Variants in GABRA1 observed in about 807,000 individuals in gnomAD.
GABRA1 encodes the protein gamma-aminobutyric acid receptor subunit alpha-1.
GABRA1 carries 9 observed loss-of-function variants against 48.9 expected under a neutral mutation model. The ratio of observed to expected loss-of-function variants is 0.18; its 90% CI spans 0.11 to 0.32. The LOEUF (loss-of-function observed/expected upper bound fraction) is 0.32, where lower values mean the gene tolerates loss of function less well. Ranked by LOEUF, GABRA1 falls within the 10% of genes least tolerant of loss-of-function variation. GABRA1 has a pLI of 1.00. For missense variants in GABRA1, 285 were observed against 553.8 expected, an observed-to-expected ratio of 0.51 and a Z score of 4.87; for synonymous variants, 210 against 198.7, an observed-to-expected ratio of 1.06 and a Z score of -0.48.
At chr5:161,850,922 T>C in intron 2 of GABRA1, 38 bp downstream of exon 2, 1 of 1,537,476 alleles carries the variant, frequency 6.5e-7, no homozygotes, top group Non-Finnish European at 9.0e-7. Flanking sequence ...TGAAAATTTC[T>C]GTAACTTTTC....
At chr5:161,876,182 CAT>C (rs139492840) in intron 6 of GABRA1, among the ~76,000 whole-genome samples, 95 of 148,080 alleles carry the variant, frequency 6.4e-4, no homozygotes, top group African/African-American at 6.7e-4. Context: ...TCATGGCATT[CAT>C]ATATATATAT....
At chr5:161,882,339 A>T (rs1754652457) in intron 6 of GABRA1, 1 of 575,968 alleles carries the variant, frequency 1.7e-6, no homozygotes, top group Non-Finnish European at 3.1e-6. Flanking sequence ...TCCTTTGTAG[A>T]TCCTTATAAC....
intron 6 of GABRA1, among the ~76,000 whole-genome samples, chr5:161,878,018 T>C (rs1267092483): frequency 6.6e-6 from 1 of 152,206 alleles, no homozygotes; most frequent in Admixed American, 6.5e-5. Flanking sequence ...TGATGATTCA[T>C]TTTATTTATT....
At position 161,873,387 on chromosome 5, in the gene GABRA1, T is replaced by C. The variant is rs201306303; in HGVS notation, c.476+50T>C. 7 of 1,427,520 alleles carry C rather than the reference T, an allele frequency of 4.9e-6. No individual in the cohort carries two copies. In the East Asian group the frequency reaches 1.4e-4, roughly 28 times the overall value. The allele number at this position is 1,427,520 out of a possible 1,614,324, so 88.4% of individuals were successfully genotyped here. ...ATGAATGTTTCTGTACTTCATTCCC[T>C]TCCACTTGTAGGCAATCATCAGGCT... On this transcript the variant is annotated intron_variant, in intron 5 of 9. Coordinates refer to ENST00000393943, the MANE Select transcript of GABRA1 (RefSeq NM_001127644.2).
At position 161,875,671 on chromosome 5, in the gene GABRA1, A is replaced by T. The variant is rs765361211; in HGVS notation, c.559+29A>T. ...AGTAAATTTATATGGACTTTTCTTGATTGTAAGTCATTAAGCAAGAGATCT... is the reference window on the plus strand; with the variant it reads ...AGTAAATTTATATGGACTTTTCTTGTTTGTAAGTCATTAAGCAAGAGATCT... On this transcript the variant is annotated intron_variant, in intron 6 of 9. Coordinates refer to ENST00000393943, the MANE Select transcript of GABRA1 (RefSeq NM_001127644.2). The T allele has an allele frequency of 2.1e-6, 3 of 1,461,398 alleles. No individual in the cohort carries two copies. The African/African-American group carries it at 4.2e-5, about 20-fold the overall frequency. The allele number at this position is 1,461,398 out of a possible 1,614,324, so 90.5% of individuals were successfully genotyped here. A position where few individuals can be genotyped will look rare whatever the true frequency, so the allele number is the denominator to read the frequency against.
At chr5:161,851,007 A>G in intron 2 of GABRA1, 123 bp downstream of exon 2, 1 of 788,358 alleles carries the variant, frequency 1.3e-6, no homozygotes, top group South Asian at 1.4e-5. Context: ...CTTAACTGCA[A>G]TAATTTCCAG....
chr5:161,864,386 A>G (rs1372795511), intron 3 of GABRA1, among the ~76,000 whole-genome samples: 1 of 151,952 alleles, frequency 6.6e-6, no homozygotes. Context: ...AATATCTCTG[A>G]TTCAAAATTA....
At chr5:161,871,759 C>A (rs1754130397) in intron 4 of GABRA1, among the ~76,000 whole-genome samples, 2 of 152,160 alleles carry the variant, frequency 1.3e-5, no homozygotes, top group South Asian at 4.1e-4. Context: ...AACCAGGAAA[C>A]AAGGTAACTT....
chr5:161,866,549 C>T (rs1753861973), intron 4 of GABRA1, among the ~76,000 whole-genome samples: 2 of 152,058 alleles, frequency 1.3e-5, no homozygotes, highest in African/African-American at 4.8e-5. Context: ...TGAAATGCCT[C>T]ATGTTAGCAC....
intron 7 of GABRA1, among the ~76,000 whole-genome samples, 158 bp downstream of exon 7, chr5:161,882,859 G>A (rs1754676421): frequency 1.3e-5 from 2 of 152,178 alleles, no homozygotes; most frequent in Non-Finnish European, 2.9e-5. Flanking sequence ...CGGTAGACCT[G>A]TGACCTTGGA....
At chr5:161,864,282 C>G (rs1757970380) in intron 3 of GABRA1, among the ~76,000 whole-genome samples, 1 of 152,014 alleles carries the variant, frequency 6.6e-6, no homozygotes, top group Non-Finnish European at 1.5e-5. Flanking sequence ...ATACATGTGC[C>G]ACGCTGGTGC....
chr5:161,884,900 C>A (rs376729079), intron 7 of GABRA1, among the ~76,000 whole-genome samples: 1 of 152,082 alleles, frequency 6.6e-6, no homozygotes, highest in African/African-American at 2.4e-5. Flanking sequence ...ATAATGGAGG[C>A]CTTCCTCACC....
At chr5:161,854,301 A>G (rs780749555) in intron 3 of GABRA1, 31 bp downstream of exon 3, 1 of 1,135,090 alleles carries the variant, frequency 8.8e-7, no homozygotes, top group African/African-American at 1.5e-5. Context: ...TTTGTTTTAG[A>G]GAATAATATG....
chr5:161,871,992 T>C (rs921159961), intron 4 of GABRA1, among the ~76,000 whole-genome samples: 1 of 152,200 alleles, frequency 6.6e-6, no homozygotes, highest in African/African-American at 2.4e-5. Flanking sequence ...GTAGTTAAGT[T>C]CGTACACGAA....
intron 7 of GABRA1, among the ~76,000 whole-genome samples, 175 bp downstream of exon 7, chr5:161,882,876 A>G (rs771507787): frequency 1.3e-5 from 2 of 152,168 alleles, no homozygotes; most frequent in Non-Finnish European, 2.9e-5. Flanking sequence ...TGGACATGTC[A>G]TTTAATGCCT....
chr5:161,852,231 C>T (rs149764745), intron 2 of GABRA1, among the ~76,000 whole-genome samples: 2 of 152,010 alleles, frequency 1.3e-5, no homozygotes, highest in African/African-American at 2.4e-5. Context: ...TTGGTGAAAA[C>T]ATTTGTAAGA....
At chr5:161,859,911 C>CTTTA (rs1757788454) in intron 3 of GABRA1, among the ~76,000 whole-genome samples, 1 of 151,530 alleles carries the variant, frequency 6.6e-6, no homozygotes, top group South Asian at 2.1e-4. Context: ...AGAGAATAGC[C>CTTTA]TTTAGTATTA....
chr5:161,867,974 TTA>T (rs1753944520), intron 4 of GABRA1, among the ~76,000 whole-genome samples: 1 of 152,070 alleles, frequency 6.6e-6, no homozygotes, highest in Non-Finnish European at 1.5e-5. Context: ...TTTCACAGTA[TTA>T]GTTCATTGTT....
At chr5:161,864,611 G>A (rs1757982767) in intron 3 of GABRA1, among the ~76,000 whole-genome samples, 2 of 151,590 alleles carry the variant, frequency 1.3e-5, no homozygotes, top group African/African-American at 2.4e-5. Flanking sequence ...AAATACCCTG[G>A]CATATAAATA....
Sources: gnomAD v4.1 joint callset for allele counts (sites outside exome capture counted in the v4.1 genomes callset) on GRCh38, gnomAD v4.1.1 for gene constraint, MANE v1.5 for transcripts, NCBI Gene and HGNC (gene_info 2026-07-23, HGNC 2026-07-21) for gene names.